Variants in IPO11 observed in about 807,000 individuals in gnomAD.
The protein encoded by IPO11 is importin 11, also known as importin-11.
In IPO11, 66 loss-of-function variants were observed where a neutral mutation model predicts 143.2. The ratio of observed to expected loss-of-function variants is 0.46; its 90% confidence interval spans 0.38 to 0.57. The LOEUF is 0.57. Ranked by LOEUF, IPO11 falls within the 20% of genes least tolerant of loss-of-function variation. IPO11 has a pLI of 0.00. For synonymous variants in IPO11, 385 were observed against 377.8 expected (o/e 1.02, Z -0.22); for missense variants, 1,026 against 1,141.0 (o/e 0.90, Z 1.45).
chr5:62,564,142 G>A (rs1054803853), intron 27 of IPO11, among the ~76,000 whole-genome samples: 2 of 151,872 alleles, frequency 1.3e-5, no homozygotes, highest in African/African-American at 4.8e-5. Context: ...TAATAGACTA[G>A]TGATGAAACA....
chr5:62,586,760 A>ATATAT (rs1233897638), intron 27 of IPO11, among the ~76,000 whole-genome samples: 84 of 81,490 alleles, frequency 1.0e-3, no homozygotes, highest in Non-Finnish European at 1.6e-3. Context: ...TCCAAAAAAA[A>ATATAT]AAAAAAAAAT....
intron 19 of IPO11, among the ~76,000 whole-genome samples, chr5:62,513,418 C>T (rs976500289): frequency 7.1e-6 from 1 of 141,314 alleles, no homozygotes; most frequent in Admixed American, 6.9e-5. Context: ...GCGCTGACCC[C>T]CCCCCCACCT....
intron 4 of IPO11, among the ~76,000 whole-genome samples, chr5:62,450,781 CT>C (rs530191402): frequency 1.1e-4 from 16 of 149,440 alleles, no homozygotes; most frequent in African/African-American, 1.5e-4. Context: ...ACAGCTTTAT[CT>C]TTTTTTTTAT....
intron 27 of IPO11, chr5:62,581,332 A>C: frequency 6.8e-7 from 1 of 1,463,240 alleles, no homozygotes. Context: ...GTCTATAAGA[A>C]ACTTCAGTGC....
At chr5:62,554,122 G>C (rs1743486569) in intron 26 of IPO11, among the ~76,000 whole-genome samples, 1 of 152,136 alleles carries the variant, frequency 6.6e-6, no homozygotes, top group Admixed American at 6.5e-5. Flanking sequence ...TTTTAAAATG[G>C]ATTATTATTT....
At chr5:62,560,899 A>G (rs1403676177) in intron 26 of IPO11, 1 of 318,036 alleles carries the variant, frequency 3.1e-6, no homozygotes, top group Non-Finnish European at 5.8e-6. Context: ...CTCATGGGCT[A>G]CATACATGTT....
intron 29 of IPO11, among the ~76,000 whole-genome samples, chr5:62,603,478 C>A (rs1253430055): frequency 6.6e-6 from 1 of 152,158 alleles, no homozygotes; most frequent in South Asian, 2.1e-4. Context: ...TTCATTCTTT[C>A]ATTTTTGCAA....
chr5:62,616,364 T>TC (rs904635231), intron 29 of IPO11, among the ~76,000 whole-genome samples: 1 of 152,148 alleles, frequency 6.6e-6, no homozygotes, highest in African/African-American at 2.4e-5. Context: ...TTTCTACTCT[T>TC]TCTGAAGATT....
Position 62,463,825 on chromosome 5 carries a change from A to AT in IPO11, c.517-3291dup, listed in dbSNP as rs1216895535. ...TACTGAACATACCTTTTACTTCTGT[A>AT]TTTTTTTTTTTTTTTAATGACAGAG... is the stretch of plus-strand genomic sequence containing the variant. On this transcript the variant is annotated intron_variant, in intron 5 of 29. Coordinates refer to ENST00000325324, the MANE Select transcript of IPO11 (RefSeq NM_016338.5). Among the ~76,000 whole-genome samples the AT allele has an allele frequency of 8.4e-3, 1,214 of 143,804 alleles. 6 individuals are homozygous for AT. Among genetic ancestry groups the AT allele is most frequent in the Non-Finnish European group, 0.011 (702 of 65,194 alleles). The allele number at this position is 143,804 out of a possible 152,430, so 94.3% of individuals were successfully genotyped here.
intron 9 of IPO11, among the ~76,000 whole-genome samples, chr5:62,480,283 G>C (rs995821338): frequency 1.3e-5 from 2 of 152,134 alleles, no homozygotes; most frequent in African/African-American, 4.8e-5. Context: ...GCCCTATTCT[G>C]TTCCGTTGGT....
chr5:62,551,336 G>A lies in IPO11; in HGVS notation c.2460G>A (p.Glu820=). ...AGATGGCCCATAAATTTAATCAGGA[G>A]GTAAGAATCAATATACTTAAATTTA... ...LNEMAHKFNQ[E]MDQLLGNMIE... Residue 820 remains glutamate (E), a splice_region_variant and synonymous_variant, in exon 26 of 30, where the codon GAG becomes GAA. Coordinates refer to ENST00000325324, the MANE Select transcript of IPO11 (RefSeq NM_016338.5). 1 of 1,454,022 alleles carries A rather than the reference G, an allele frequency of 6.9e-7. No homozygotes were observed. The allele number at this position is 1,454,022 out of a possible 1,614,324, so 90.1% of individuals were successfully genotyped here.
At position 62,550,582 on chromosome 5, in the gene IPO11, A is replaced by C. The variant is rs376337151; in HGVS notation, c.2346+120A>C. 5.3e-4 allele frequency: 343 copies of C among 643,406 alleles called. 3 individuals are homozygous for C. The East Asian group carries it at 7.8e-3, about 15-fold the overall frequency. 39.9% of individuals were successfully genotyped at this position (643,406 alleles called of 1,614,324 possible). On this transcript the variant is annotated intron_variant, in intron 25 of 29. Coordinates refer to ENST00000325324, the MANE Select transcript of IPO11 (RefSeq NM_016338.5). ...ATTTGGATCATATTAAATTATGTTA[A>C]ATTTTCAGGGCGGTTAGACACCTTT...
intron 19 of IPO11, among the ~76,000 whole-genome samples, chr5:62,507,756 C>G (rs752387043): frequency 3.1e-4 from 47 of 152,082 alleles, no homozygotes; most frequent in Non-Finnish European, 5.3e-4. Flanking sequence ...TTATCTTTGT[C>G]TCCCCAAACT....
chr5:62,480,906 A>ATTTTT (rs34947365), intron 9 of IPO11, among the ~76,000 whole-genome samples: 9 of 84,964 alleles, frequency 1.1e-4, no homozygotes, highest in South Asian at 3.5e-4. Flanking sequence ...TTCCTCTTTC[A>ATTTTT]TTTTTTTTTT....
chr5:62,519,181 G>A (rs918758161), intron 20 of IPO11, among the ~76,000 whole-genome samples: 3 of 152,148 alleles, frequency 2.0e-5, no homozygotes, highest in African/African-American at 7.2e-5. Context: ...GGTGTTTTAG[G>A]CATATGAACT....
intron 1 of IPO11, among the ~76,000 whole-genome samples, chr5:62,418,467 A>C (rs746481435): frequency 3.4e-4 from 51 of 152,196 alleles, no homozygotes; most frequent in Non-Finnish European, 6.6e-4. Flanking sequence ...CATATCATAT[A>C]GTTTAAAATG....
intron 7 of IPO11, among the ~76,000 whole-genome samples, chr5:62,471,552 A>G (rs1745773384): frequency 6.6e-6 from 1 of 152,204 alleles, no homozygotes; most frequent in Non-Finnish European, 1.5e-5. Context: ...ATCCTTGAAG[A>G]CATTTTATGC....
intron 18 of IPO11, among the ~76,000 whole-genome samples, chr5:62,505,491 GAGAT>G (rs752828421): frequency 1.3e-5 from 2 of 152,042 alleles, no homozygotes; most frequent in Non-Finnish European, 1.5e-5. Flanking sequence ...TTTGGTGAGG[GAGAT>G]AGATAGGGAA....
chr5:62,523,695 A>C (rs1256533747), intron 20 of IPO11, among the ~76,000 whole-genome samples: 5 of 152,208 alleles, frequency 3.3e-5, no homozygotes, highest in African/African-American at 1.2e-4. Flanking sequence ...AAATACAGGA[A>C]GAAGAACTGT....
Sources: gnomAD v4.1 joint callset for allele counts (sites outside exome capture counted in the v4.1 genomes callset) on GRCh38, gnomAD v4.1.1 for gene constraint, MANE v1.5 for transcripts, NCBI Gene and HGNC (gene_info 2026-07-23, HGNC 2026-07-21) for gene names.